Variants in PRR16 observed in about 807,000 individuals in gnomAD.
PRR16 encodes protein Largen.
PRR16 carries 6 observed loss-of-function variants against 18.2 expected under a neutral mutation model. The ratio of observed to expected loss-of-function variants is 0.33; its 90% CI spans 0.18 to 0.65. The LOEUF (loss-of-function observed/expected upper bound fraction) is 0.65, where lower values mean the gene tolerates loss of function less well. Ranked by LOEUF, PRR16 falls within the 30% of genes least tolerant of loss-of-function variation. PRR16 has a pLI of 0.74. For missense variants in PRR16, 412 were observed against 376.6 expected, an observed-to-expected ratio of 1.09 and a Z score of -0.78; for synonymous variants, 151 against 147.8, an observed-to-expected ratio of 1.02 and a Z score of -0.16.
the PRR16 span, among the ~76,000 whole-genome samples, chr5:120,777,885 T>C: frequency 6.6e-6 from 1 of 152,124 alleles, no homozygotes; most frequent in Non-Finnish European, 1.5e-5. Context: ...AAATATTAAG[T>C]TGACTTTATT....
At chr5:120,723,982 AACAC>A in the PRR16 span, among the ~76,000 whole-genome samples, 28 of 151,844 alleles carry the variant, frequency 1.8e-4, no homozygotes, top group African/African-American at 5.3e-4. Context: ...TTAAAAAAAA[AACAC>A]AAAACTACCC....
the PRR16 span, among the ~76,000 whole-genome samples, chr5:120,761,872 C>A: frequency 2.3e-4 from 35 of 152,180 alleles, no homozygotes; most frequent in Non-Finnish European, 4.3e-4. Context: ...TTACCTCCCC[C>A]CAAAAACATA....
chr5:120,616,866 A>G (rs2112814080), intron 1 of PRR16, among the ~76,000 whole-genome samples: 1 of 152,280 alleles, frequency 6.6e-6, no homozygotes, highest in Middle Eastern at 3.4e-3. Context: ...CATACTTCTT[A>G]TGTTTTCACT....
intron 1 of PRR16, among the ~76,000 whole-genome samples, chr5:120,494,815 A>G (rs143055582): frequency 2.0e-3 from 299 of 152,132 alleles, no homozygotes; most frequent in African/African-American, 6.9e-3. Flanking sequence ...AAGGATGTCC[A>G]TTTGCTCAGC....
chr5:120,700,417 T>C, the PRR16 span, among the ~76,000 whole-genome samples: 1 of 151,494 alleles, frequency 6.6e-6, no homozygotes, highest in African/African-American at 2.4e-5. Flanking sequence ...GGAGTAGAGG[T>C]ATCTCATACT....
intron 1 of PRR16, among the ~76,000 whole-genome samples, chr5:120,570,542 A>G (rs1752874049): frequency 6.6e-6 from 1 of 152,150 alleles, no homozygotes; most frequent in Non-Finnish European, 1.5e-5. Flanking sequence ...ACCCAGGATA[A>G]TGCTAGGTGT....
the PRR16 span, among the ~76,000 whole-genome samples, chr5:120,698,087 G>T: frequency 6.6e-6 from 1 of 152,106 alleles, no homozygotes; most frequent in African/African-American, 2.4e-5. Context: ...GTGTTGAATT[G>T]TTGGGGCGGC....
chr5:120,499,714 C>G (rs763084313), intron 1 of PRR16, among the ~76,000 whole-genome samples: 1 of 150,182 alleles, frequency 6.7e-6, no homozygotes, highest in African/African-American at 2.4e-5. Flanking sequence ...GTGACAGCTG[C>G]TTTAAAACCT....
At chr5:120,599,171 T>C (rs1292670141) in intron 1 of PRR16, among the ~76,000 whole-genome samples, 4 of 151,866 alleles carry the variant, frequency 2.6e-5, no homozygotes, top group African/African-American at 9.7e-5. Context: ...GATAAAACTT[T>C]CTATGCTATG....
chr5:120,716,049 C>T, the PRR16 span, among the ~76,000 whole-genome samples: 2 of 152,120 alleles, frequency 1.3e-5, no homozygotes, highest in Admixed American at 6.5e-5. Flanking sequence ...ATCTAAACAG[C>T]AGCAACAACA....
chr5:120,717,049 A>AT, the PRR16 span, among the ~76,000 whole-genome samples: 2 of 152,114 alleles, frequency 1.3e-5, no homozygotes, highest in African/African-American at 2.4e-5. Flanking sequence ...CAATCTAACA[A>AT]TTTTTTGTGA....
the PRR16 span, among the ~76,000 whole-genome samples, chr5:120,708,133 G>A: frequency 6.6e-6 from 1 of 152,196 alleles, no homozygotes; most frequent in African/African-American, 2.4e-5. Context: ...TCTGATGACA[G>A]TGAAAACGCC....
At chr5:120,580,483 C>G (rs539104846) in intron 1 of PRR16, among the ~76,000 whole-genome samples, 305 of 124,326 alleles carry the variant, frequency 2.5e-3, no homozygotes, top group African/African-American at 9.4e-3. Flanking sequence ...GAGACAGGAT[C>G]TTGCTCTGTC....
chr5:120,499,027 G>A (rs762508024), intron 1 of PRR16, among the ~76,000 whole-genome samples: 16 of 151,544 alleles, frequency 1.1e-4, no homozygotes, highest in Non-Finnish European at 2.4e-4. Flanking sequence ...ATCCTATTTG[G>A]GGTTTTCTCA....
At chr5:120,682,832 T>A (rs1026830688) in intron 1 of PRR16, among the ~76,000 whole-genome samples, 2 of 152,168 alleles carry the variant, frequency 1.3e-5, no homozygotes, top group Admixed American at 6.5e-5. Flanking sequence ...AAGAATCAAA[T>A]TGGAGAGAAA....
At chr5:120,487,634 TC>T (rs1320783807) in intron 1 of PRR16, among the ~76,000 whole-genome samples, 1 of 152,164 alleles carries the variant, frequency 6.6e-6, no homozygotes, top group East Asian at 1.9e-4. Flanking sequence ...TTGAATACCC[TC>T]TATTTCCTTC....
chr5:120,656,743 TCATACATAAG>T (rs1170677701), intron 1 of PRR16, among the ~76,000 whole-genome samples: 1 of 152,000 alleles, frequency 6.6e-6, no homozygotes, highest in Non-Finnish European at 1.5e-5. Context: ...TGACTTAGTA[TCATACATAAG>T]TGATATATTT....
At chr5:120,620,733 C>T (rs1171210254) in intron 1 of PRR16, among the ~76,000 whole-genome samples, 2 of 152,016 alleles carry the variant, frequency 1.3e-5, no homozygotes, top group African/African-American at 4.8e-5. Flanking sequence ...TCAGAGCAAG[C>T]CTTGTCTCTC....
At chr5:120,516,179 T>G (rs1410650066) in intron 1 of PRR16, among the ~76,000 whole-genome samples, 2 of 152,004 alleles carry the variant, frequency 1.3e-5, no homozygotes, top group Non-Finnish European at 2.9e-5. Context: ...ATCTCAGCAC[T>G]TTGGGAGGTG....
Sources: gnomAD v4.1 joint callset for allele counts (sites outside exome capture counted in the v4.1 genomes callset) on GRCh38, gnomAD v4.1.1 for gene constraint, MANE v1.5 for transcripts, NCBI Gene and HGNC (gene_info 2026-07-23, HGNC 2026-07-21) for gene names.